EYA1: variants seen among roughly 807,000 people sequenced by gnomAD.
EYA1 encodes the protein EYA transcriptional coactivator and phosphatase 1.
EYA1 carries 16 observed loss-of-function variants against 82.0 expected under a neutral mutation model. The ratio of observed to expected loss-of-function variants is 0.20; its 90% CI spans 0.13 to 0.30. EYA1 has a LOEUF of 0.30. Among genes scored for constraint, EYA1 ranks in the 10% least tolerant of loss-of-function variants. The pLI is 1.00. For synonymous variants in EYA1, 261 were observed against 264.4 expected, an observed-to-expected ratio of 0.99 and a Z score of 0.12; for missense variants, 633 against 730.7, an observed-to-expected ratio of 0.87 and a Z score of 1.54.
At chr8:71,304,607 G>A (rs779858777) in intron 7 of EYA1, among the ~76,000 whole-genome samples, 3 of 142,468 alleles carry the variant, frequency 2.1e-5, no homozygotes, top group Admixed American at 7.0e-5. Flanking sequence ...ATACCTATAA[G>A]TGTCTGATTT....
intron 2 of EYA1, chr8:71,530,009 T>G (rs1389868047): frequency 6.6e-6 from 1 of 152,214 alleles, no homozygotes; most frequent in Non-Finnish European, 1.5e-5. Context: ...GTTTTTGTTA[T>G]GGGTTGAATT....
chr8:71,425,208 G>A (rs979124676), intron 2 of EYA1, among the ~76,000 whole-genome samples: 5 of 151,368 alleles, frequency 3.3e-5, no homozygotes, highest in African/African-American at 7.3e-5. Flanking sequence ...GTGTGAACCC[G>A]GGAGGCAGAG....
intron 2 of EYA1, among the ~76,000 whole-genome samples, chr8:71,407,547 A>G (rs1830326141): frequency 7.1e-6 from 1 of 140,034 alleles, no homozygotes; most frequent in African/African-American, 2.8e-5. Flanking sequence ...GGAGCTGAAA[A>G]CCAAGGCTCG....
chr8:71,418,762 C>T (rs902032870), intron 2 of EYA1, among the ~76,000 whole-genome samples: 9 of 152,016 alleles, frequency 5.9e-5, no homozygotes, highest in South Asian at 4.1e-4. Flanking sequence ...TCCCAGATGA[C>T]GATGAGTGCT....
intron 11 of EYA1, among the ~76,000 whole-genome samples, chr8:71,248,556 A>G (rs1015843896): frequency 1.1e-4 from 17 of 152,192 alleles, no homozygotes; most frequent in African/African-American, 4.1e-4. Context: ...TTAGAAACAG[A>G]GCACGGAGTT....
intron 2 of EYA1, among the ~76,000 whole-genome samples, chr8:71,525,766 C>T (rs1162515364): frequency 6.6e-6 from 1 of 152,108 alleles, no homozygotes; most frequent in African/African-American, 2.4e-5. Flanking sequence ...TTGATCCTGG[C>T]CTGTTTCCAA....
intron 2 of EYA1, among the ~76,000 whole-genome samples, chr8:71,413,168 A>T (rs538099633): frequency 6.6e-6 from 1 of 152,326 alleles, no homozygotes; most frequent in South Asian, 2.1e-4. Context: ...GATGACCAAA[A>T]GTCCAGAAAG....
intron 17 of EYA1, among the ~76,000 whole-genome samples, chr8:71,204,732 A>G (rs1807526347): frequency 6.6e-6 from 1 of 152,260 alleles, no homozygotes; most frequent in African/African-American, 2.4e-5. Context: ...ATGTGCACAT[A>G]TAACATTTAG....
chr8:71,263,397 C>G (rs1231442936), intron 11 of EYA1, among the ~76,000 whole-genome samples: 1 of 152,164 alleles, frequency 6.6e-6, no homozygotes, highest in Non-Finnish European at 1.5e-5. Flanking sequence ...CATGCCCAAA[C>G]CAAGCAACCT....
In EYA1 at chr8:71,375,219, C is replaced by A. The variant is rs1231896625; in HGVS notation, c.34-18708G>T. Among the ~76,000 whole-genome samples the A allele has an allele frequency of 2.6e-5, 4 of 152,042 alleles. No individual in the cohort carries two copies. The South Asian group carries it at 8.3e-4, about 32-fold the overall frequency. On this transcript the variant is annotated intron_variant, in intron 2 of 18. Transcript: ENST00000643681. ...ATTTGTTTGACTACAGCAATAATTT[C>A]ACTATATATGTGCATATCAAAATAT...
intron 2 of EYA1, among the ~76,000 whole-genome samples, chr8:71,408,284 G>A (rs377567822): frequency 2.0e-5 from 3 of 151,752 alleles, no homozygotes; most frequent in Non-Finnish European, 2.9e-5. Flanking sequence ...AAATGTAAAG[G>A]CCATCGAGAC....
intron 4 of EYA1, 99 bp from the exon 5 acceptor site, chr8:71,322,367 A>C: frequency 9.7e-7 from 1 of 1,033,472 alleles, no homozygotes; most frequent in South Asian, 1.3e-5. Context: ...GGTTGGCCAT[A>C]TGAAATTTCA....
chr8:71,257,586 T>C (rs1381137990), intron 11 of EYA1, among the ~76,000 whole-genome samples: 2 of 152,230 alleles, frequency 1.3e-5, no homozygotes, highest in Admixed American at 6.5e-5. Flanking sequence ...ACTTGGGTAA[T>C]CTGTACCCAG....
intron 2 of EYA1, among the ~76,000 whole-genome samples, chr8:71,385,963 T>C (rs1304741522): frequency 6.6e-6 from 1 of 152,174 alleles, no homozygotes; most frequent in Non-Finnish European, 1.5e-5. Flanking sequence ...TTTAATGCTT[T>C]GAAAATCTGT....
intron 1 of EYA1, among the ~76,000 whole-genome samples, chr8:71,539,676 G>T (rs1236910531): frequency 6.6e-6 from 1 of 152,162 alleles, no homozygotes; most frequent in Non-Finnish European, 1.5e-5. Context: ...GAATGAAGGG[G>T]ATGCTTTAGA....
intron 2 of EYA1, among the ~76,000 whole-genome samples, chr8:71,383,375 C>T (rs1270983929): frequency 6.6e-6 from 1 of 152,002 alleles, no homozygotes; most frequent in African/African-American, 2.4e-5. Flanking sequence ...AAGGAAAATA[C>T]ACAAAACTAT....
At chr8:71,201,008 T>G (rs1162188885) in intron 17 of EYA1, among the ~76,000 whole-genome samples, 2 of 143,032 alleles carry the variant, frequency 1.4e-5, no homozygotes, top group African/African-American at 5.3e-5. Flanking sequence ...AAATTCATTG[T>G]TGGCATACTA....
At chr8:71,438,637 G>A (rs777891783) in intron 2 of EYA1, among the ~76,000 whole-genome samples, 1 of 152,130 alleles carries the variant, frequency 6.6e-6, no homozygotes, top group African/African-American at 2.4e-5. Flanking sequence ...TTACAATGAT[G>A]CCTGAAATGT....
At chr8:71,334,705 C>CA (rs1732207386) in intron 3 of EYA1, among the ~76,000 whole-genome samples, 2 of 152,102 alleles carry the variant, frequency 1.3e-5, no homozygotes, top group Non-Finnish European at 2.9e-5. Context: ...TTTAATGCAC[C>CA]ATCATTACCA....
Sources: allele counts gnomAD v4.1 joint callset (sites outside exome capture counted in the v4.1 genomes callset), GRCh38; gene constraint gnomAD v4.1.1; transcripts MANE v1.5; gene names NCBI Gene and HGNC (gene_info 2026-07-23, HGNC 2026-07-21).